Variants in WWOX observed in about 807,000 individuals in gnomAD.
WWOX encodes the protein WW domain-containing oxidoreductase.
WWOX carries 69 observed loss-of-function variants against 46.2 expected under a neutral mutation model. The ratio of observed to expected loss-of-function variants is 1.49; its 90% CI spans 1.23 to 1.82. WWOX has a LOEUF of 1.82. WWOX is among the 40% of genes most tolerant of loss of function. The pLI is 0.00. For synonymous variants in WWOX, 359 were observed against 202.6 expected (o/e 1.77, Z -6.56); for missense variants, 919 against 542.6 (o/e 1.69, Z -6.89).
At chr16:78,321,120 G>C (rs1256002144) in intron 5 of WWOX, among the ~76,000 whole-genome samples, 4 of 151,884 alleles carry the variant, frequency 2.6e-5, no homozygotes, top group Non-Finnish European at 5.9e-5. Context: ...GCGTAGAAAA[G>C]TTGGGTACAT....
chr16:78,218,786 C>T (rs1221894752), intron 5 of WWOX, among the ~76,000 whole-genome samples: 5 of 152,300 alleles, frequency 3.3e-5, no homozygotes, highest in South Asian at 4.1e-4. Context: ...CGCTTCGGTG[C>T]GCATGTAAGT....
rs532942057 is a variant in WWOX, at chr16:78,707,828, CTG to C, written c.1056+275078_1056+275079del. Among the ~76,000 whole-genome samples the C allele has an allele frequency of 2.9e-3, 432 of 148,112 alleles. 2 individuals are homozygous for C. Among genetic ancestry groups the C allele is most frequent in the African/African-American group, 0.01 (414 of 40,084 alleles). ...CTAGCCTGTGCTAGAGAGCGAGACT[CTG>C]TCTCAAAAATATAAATAAATAAATA... On this transcript the variant is annotated intron_variant, in intron 8 of 8. Transcript: ENST00000566780.
intron 8 of WWOX, among the ~76,000 whole-genome samples, chr16:79,169,655 A>T (rs2050662386): frequency 6.6e-6 from 1 of 152,142 alleles, no homozygotes. Flanking sequence ...CTAACCAACA[A>T]CTAGGAAGGT....
intron 8 of WWOX, among the ~76,000 whole-genome samples, chr16:78,949,678 T>C (rs2046019331): frequency 1.3e-5 from 2 of 152,238 alleles, no homozygotes; most frequent in African/African-American, 4.8e-5. Context: ...AGCCTTGAGG[T>C]ATACGTGTGG....
intron 8 of WWOX, among the ~76,000 whole-genome samples, chr16:79,002,216 T>C (rs2047107456): frequency 1.9e-5 from 1 of 52,236 alleles, no homozygotes; most frequent in Non-Finnish European, 3.4e-5. Context: ...GTCCTGCCTT[T>C]TTTTTTTTTT....
intron 8 of WWOX, among the ~76,000 whole-genome samples, chr16:78,451,808 C>G (rs189708703): frequency 2.0e-5 from 3 of 152,276 alleles, no homozygotes; most frequent in Admixed American, 6.5e-5. Flanking sequence ...TATCTGATCC[C>G]CAAACATATG....
At position 79,210,000 on chromosome 16, in the gene WWOX, T is replaced by C. The variant is rs141194656; in HGVS notation, c.1057-1608T>C. On this transcript the variant is annotated intron_variant, in intron 8 of 8. Coordinates refer to ENST00000566780, the MANE Select transcript of WWOX (RefSeq NM_016373.4). ...GAGTGGGCATGATAATGGAGGGAGA[T>C]TGGGGAGGTAACAAACCAGCTACTA... is the stretch of plus-strand genomic sequence containing the variant. Among the ~76,000 whole-genome samples, 393 of 152,188 alleles carry C rather than the reference T, an allele frequency of 2.6e-3. 1 individual carries two copies. The highest frequency in any genetic ancestry group is 8.7e-3 in the African/African-American group (360 of 41,520).
At chr16:79,031,544 C>T (rs899912985) in intron 8 of WWOX, among the ~76,000 whole-genome samples, 5 of 151,872 alleles carry the variant, frequency 3.3e-5, no homozygotes, top group South Asian at 4.2e-4. Flanking sequence ...GCTACACCCC[C>T]CTGTGGATGT....
At chr16:78,324,670 TGAAA>T (rs2080570248) in intron 5 of WWOX, among the ~76,000 whole-genome samples, 1 of 151,302 alleles carries the variant, frequency 6.6e-6, no homozygotes, top group African/African-American at 2.4e-5. Context: ...TGAGGCTAAG[TGAAA>T]GAAGTTAGTT....
At chr16:78,639,223 C>T (rs557443280) in intron 8 of WWOX, among the ~76,000 whole-genome samples, 7 of 152,168 alleles carry the variant, frequency 4.6e-5, no homozygotes, top group Non-Finnish European at 1.0e-4. Flanking sequence ...TGCGCAAAGT[C>T]CTGTAGGCCC....
intron 8 of WWOX, among the ~76,000 whole-genome samples, chr16:78,784,441 G>A (rs898634139): frequency 6.6e-5 from 10 of 152,090 alleles, no homozygotes; most frequent in African/African-American, 2.4e-4. Flanking sequence ...GCTGGTGAGT[G>A]AAGTTCTTAC....
intron 6 of WWOX, among the ~76,000 whole-genome samples, chr16:78,393,896 T>A (rs537206156): frequency 7.2e-4 from 110 of 152,276 alleles, no homozygotes; most frequent in African/African-American, 2.4e-3. Flanking sequence ...GCTTTACTTC[T>A]TAAACATATG....
intron 8 of WWOX, among the ~76,000 whole-genome samples, chr16:78,564,992 A>T (rs2044530547): frequency 6.6e-6 from 1 of 152,300 alleles, no homozygotes; most frequent in Admixed American, 6.5e-5. Flanking sequence ...CAAAGGATAC[A>T]CTACACAATT....
intron 8 of WWOX, among the ~76,000 whole-genome samples, chr16:78,915,672 C>A (rs1244925158): frequency 7.1e-6 from 1 of 141,270 alleles, no homozygotes. Context: ...GGGGAAAGTG[C>A]TTGTCTATTC....
chr16:78,914,504 T>G (rs898398351), intron 8 of WWOX, among the ~76,000 whole-genome samples: 1 of 152,122 alleles, frequency 6.6e-6, no homozygotes, highest in South Asian at 2.1e-4. Context: ...TGTGATTAAC[T>G]GAATGGGAAT....
At chr16:79,033,282 A>T (rs951123797) in intron 8 of WWOX, among the ~76,000 whole-genome samples, 1 of 147,870 alleles carries the variant, frequency 6.8e-6, no homozygotes, top group Non-Finnish European at 1.5e-5. Context: ...CCAAATATTT[A>T]TATATATATA....
intron 5 of WWOX, among the ~76,000 whole-genome samples, chr16:78,337,549 C>G (rs1028217184): frequency 7.2e-5 from 11 of 152,118 alleles, no homozygotes; most frequent in Non-Finnish European, 1.0e-4. Flanking sequence ...TAGGTTTGTT[C>G]AATGCATAAT....
At chr16:78,119,804 T>A (rs2151681398) in intron 4 of WWOX, among the ~76,000 whole-genome samples, 1 of 152,270 alleles carries the variant, frequency 6.6e-6, no homozygotes, top group South Asian at 2.1e-4. Context: ...ATTTTCAGTC[T>A]ACTCTTCTGT....
At chr16:78,689,236 C>G (rs139379761) in intron 8 of WWOX, among the ~76,000 whole-genome samples, 31 of 152,190 alleles carry the variant, frequency 2.0e-4, no homozygotes, top group African/African-American at 7.5e-4. Context: ...GCTGTTCAAG[C>G]CATACGTCAC....
Sources: gnomAD v4.1 joint callset for allele counts (sites outside exome capture counted in the v4.1 genomes callset) on GRCh38, gnomAD v4.1.1 for gene constraint, MANE v1.5 for transcripts, NCBI Gene and HGNC (gene_info 2026-07-23, HGNC 2026-07-21) for gene names.